Variants in UBAP2 observed in about 807,000 individuals in gnomAD.
UBAP2 encodes the protein ubiquitin associated protein 2.
UBAP2 carries 75 observed loss-of-function variants against 139.6 expected under a neutral mutation model. That is an observed-to-expected ratio of 0.54 (90% CI 0.45 to 0.65). The LOEUF is 0.65. Ranked by LOEUF, UBAP2 falls within the 30% of genes least tolerant of loss-of-function variation. UBAP2 has a pLI of 0.00. For synonymous variants in UBAP2, 526 were observed against 526.2 expected (o/e 1.00, Z 0.01); for missense variants, 1,368 against 1,369.6 (o/e 1.00, Z 0.02).
At chr9:34,039,144 T>TG (rs1218634847) in intron 1 of UBAP2, among the ~76,000 whole-genome samples, 1 of 144,748 alleles carries the variant, frequency 6.9e-6, no homozygotes, top group Non-Finnish European at 1.5e-5. Context: ...GTCTGGGAGG[T>TG]GGGGGGCAGC....
intron 1 of UBAP2, among the ~76,000 whole-genome samples, chr9:34,024,018 C>T (rs10971859): frequency 0.13 from 19,218 of 144,736 alleles, 1,553 homozygotes; most frequent in African/African-American, 0.23. Context: ...CACTCCAGTC[C>T]GGGTGACAGA....
rs545692957 is a variant in UBAP2, at chr9:33,960,876, C to T, written c.748G>A (p.Ala250Thr). 7 of 1,613,922 alleles carry T rather than the reference C, an allele frequency of 4.3e-6. No individual in the cohort carries two copies. The Admixed American group carries it at 1.2e-4, about 27-fold the overall frequency. Residue 250 changes from alanine to threonine, a missense_variant and splice_region_variant, in exon 10 of 29, where the codon GCT becomes ACT. Ala to Thr is a moderately conservative substitution (Grantham distance 58). Coordinates refer to ENST00000379238, the MANE Select transcript of UBAP2 (RefSeq NM_001370062.2). ...CACTCTTCCACAGAATTCTTCCAAG[C>T]CCCTGTTGGGAAACAACAGCAATCA... ...SNKSSYGLKG[A>T]WKNSVEEWTT... is the part of the protein sequence containing the mutation.
chr9:34,034,600 C>A (rs1669652680), intron 1 of UBAP2, among the ~76,000 whole-genome samples: 1 of 152,202 alleles, frequency 6.6e-6, no homozygotes, highest in Non-Finnish European at 1.5e-5. Flanking sequence ...ACTGGCTGGG[C>A]ACAGTGGCTC....
At chr9:33,937,262 G>T (rs540240152) in intron 16 of UBAP2, among the ~76,000 whole-genome samples, 1 of 152,086 alleles carries the variant, frequency 6.6e-6, no homozygotes, top group African/African-American at 2.4e-5. Flanking sequence ...ATTTAACTGC[G>T]TCTGGGGTGT....
chr9:33,966,286 A>G (rs1035111239), intron 8 of UBAP2, among the ~76,000 whole-genome samples: 8 of 150,486 alleles, frequency 5.3e-5, no homozygotes, highest in African/African-American at 2.0e-4. Flanking sequence ...TGTCTCTACT[A>G]AAACTACAAA....
In UBAP2 at chr9:33,964,018, G is replaced by A. The variant is rs553367360; in HGVS notation, c.680-227C>T. On this transcript the variant is annotated intron_variant, in intron 8 of 28. Coordinates refer to ENST00000379238, the MANE Select transcript of UBAP2 (RefSeq NM_001370062.2). Reference sequence around the variant, plus strand: ...TCACTTCAATTATTCTCATTCTCACGCCCATGTTTACCAAGCTCCCTTCTC... The same window carrying A: ...TCACTTCAATTATTCTCATTCTCACACCCATGTTTACCAAGCTCCCTTCTC... Among the ~76,000 whole-genome samples, 6 of 152,174 alleles carry A rather than the reference G, an allele frequency of 3.9e-5. No homozygotes were observed. The South Asian group carries it at 6.2e-4, about 16-fold the overall frequency.
chr9:33,924,137 T>C, intron 23 of UBAP2, 69 bp downstream of exon 23: 1 of 1,596,704 alleles, frequency 6.3e-7, no homozygotes, highest in South Asian at 1.1e-5. Context: ...TTGCTGTTGC[T>C]GCTTCCCAGC....
At chr9:33,935,998 T>A in intron 16 of UBAP2, 120 bp from the exon 17 acceptor site, 1 of 1,067,618 alleles carries the variant, frequency 9.4e-7, no homozygotes, top group Non-Finnish European at 1.3e-6. Context: ...TTTTATTCTA[T>A]TTTTTAATAA....
intron 2 of UBAP2, among the ~76,000 whole-genome samples, chr9:34,015,143 G>C (rs2131268136): frequency 6.6e-6 from 1 of 152,290 alleles, no homozygotes; most frequent in South Asian, 2.1e-4. Flanking sequence ...ACTGGATATA[G>C]TTTACTTACT....
At chr9:33,944,747 A>G in intron 13 of UBAP2, 108 bp from the exon 14 acceptor site, 1 of 1,338,222 alleles carries the variant, frequency 7.5e-7, no homozygotes, top group Non-Finnish European at 1.0e-6. Flanking sequence ...TTTCCAGTTG[A>G]ATTTCTTAGG....
chr9:33,951,409 T>C (rs1826096905), intron 12 of UBAP2, among the ~76,000 whole-genome samples: 1 of 143,084 alleles, frequency 7.0e-6, no homozygotes, highest in South Asian at 2.2e-4. Context: ...TGCAATGGCA[T>C]GATCACGGCT....
chr9:34,038,684 T>C (rs370658862), intron 1 of UBAP2, among the ~76,000 whole-genome samples: 2 of 152,144 alleles, frequency 1.3e-5, no homozygotes, highest in Admixed American at 6.6e-5. Flanking sequence ...GCCGAGATTG[T>C]AGCCTCTGCC....
intron 13 of UBAP2, among the ~76,000 whole-genome samples, chr9:33,945,225 G>A (rs1239750745): frequency 1.3e-5 from 2 of 151,994 alleles, no homozygotes; most frequent in Non-Finnish European, 2.9e-5. Flanking sequence ...ATGGCTGGGC[G>A]CAGTGGCTCA....
chr9:33,996,883 G>C (rs1456491183), intron 3 of UBAP2: 1 of 153,086 alleles, frequency 6.5e-6, no homozygotes, highest in Non-Finnish European at 1.5e-5. Flanking sequence ...AGGAGTTCGA[G>C]ACTGGACAAT....
At chr9:33,990,637 ATT>A (rs35851905) in intron 4 of UBAP2, among the ~76,000 whole-genome samples, 11 of 132,626 alleles carry the variant, frequency 8.3e-5, no homozygotes, top group African/African-American at 3.1e-4. Flanking sequence ...GTACCCCCCA[ATT>A]TTTTTTTTTT....
intron 1 of UBAP2, among the ~76,000 whole-genome samples, chr9:34,046,587 T>C (rs561331266): frequency 4.3e-5 from 6 of 139,710 alleles, no homozygotes; most frequent in East Asian, 2.1e-4. Flanking sequence ...GAGCTTGCAG[T>C]GAGCCGAGAT....
Position 33,923,949 on chromosome 9 carries a change from G to T in UBAP2, c.2642C>A (p.Thr881Asn). The T allele has an allele frequency of 6.2e-7, 1 of 1,614,162 alleles. No individual in the cohort carries two copies. The highest frequency in any genetic ancestry group is 8.5e-7 in the Non-Finnish European group (1 of 1,180,034). The change falls in exon 24 of 29, where the codon ACC becomes AAC. Residue 881 changes from threonine (T) to asparagine (N), a missense_variant. Transcript: ENST00000379238. ...GCTCTGCTGTGGCTGAGCTGGTGTG[G>T]TAGCGGGTGCAGGGGATGCAGAGTC... is the stretch of plus-strand genomic sequence containing the variant. ...RGDSASPAPA[T>N]TPAQPQQSQS...
intron 4 of UBAP2, among the ~76,000 whole-genome samples, chr9:33,989,507 C>A (rs765881481): frequency 2.0e-5 from 3 of 152,058 alleles, no homozygotes; most frequent in East Asian, 3.9e-4. Context: ...GGCACATGCA[C>A]GTATCTTTCA....
intron 3 of UBAP2, 167 bp from the exon 4 acceptor site, chr9:33,996,500 T>C (rs1361739803): frequency 1.1e-5 from 6 of 561,118 alleles, no homozygotes; most frequent in African/African-American, 7.6e-5. Flanking sequence ...TTTGTGGCCA[T>C]TCCATGCATG....
Sources: allele counts gnomAD v4.1 joint callset (sites outside exome capture counted in the v4.1 genomes callset), GRCh38; gene constraint gnomAD v4.1.1; transcripts MANE v1.5; gene names NCBI Gene and HGNC (gene_info 2026-07-23, HGNC 2026-07-21).